VPS11: variants seen among roughly 807,000 people sequenced by gnomAD.
VPS11 encodes the protein VPS11 core subunit of CORVET and HOPS complexes, also known as vacuolar protein sorting-associated protein 11 homolog.
In VPS11, 51 loss-of-function variants were observed where a neutral mutation model predicts 106.8. That is an observed-to-expected ratio of 0.48 (90% confidence interval 0.38 to 0.60). VPS11 has a LOEUF of 0.60. Ranked by LOEUF, VPS11 falls within the 20% of genes least tolerant of loss-of-function variation. The pLI is 0.00. For synonymous variants in VPS11, 453 were observed against 458.7 expected, an observed-to-expected ratio of 0.99 and a Z score of 0.16; for missense variants, 950 against 1,190.0, an observed-to-expected ratio of 0.80 and a Z score of 2.97.
At chr11:119,068,041 C>A (rs2133640526) in intron 1 of VPS11, 31 bp downstream of exon 1, 1 of 1,567,276 alleles carries the variant, frequency 6.4e-7, no homozygotes, top group South Asian at 1.2e-5. Context: ...TCTTTTCCCT[C>A]CCGGGATCCC....
intron 6 of VPS11, 179 bp downstream of exon 6, chr11:119,073,578 G>A (rs1348705441): frequency 2.2e-6 from 2 of 918,690 alleles, no homozygotes; most frequent in Admixed American, 2.9e-5. Flanking sequence ...GGGAAGTAGT[G>A]GCTGGGAGCC....
intron 7 of VPS11, among the ~76,000 whole-genome samples, chr11:119,074,314 G>C (rs540415954): frequency 9.9e-5 from 15 of 152,176 alleles, no homozygotes; most frequent in Non-Finnish European, 2.1e-4. Context: ...ATGAACTCCT[G>C]ACCTCAGGTG....
chr11:119,076,791 A>G, intron 7 of VPS11, 106 bp from the exon 8 acceptor site: 1 of 1,322,360 alleles, frequency 7.6e-7, no homozygotes, highest in Non-Finnish European at 1.0e-6. Context: ...CTCCAGATCC[A>G]CTGAAATAGA....
Position 119,077,945 on chromosome 11 carries a change from G to C in VPS11, c.1640G>C (p.Arg547Pro). Residue 547 changes from arginine to proline, a missense_variant, in exon 10 of 16, where the codon CGC becomes CCC. By Grantham distance (103) the Arg-to-Pro change is moderately radical (BLOSUM62 -2). This residue lies in a region of VPS11 where 453 missense variants were observed against 514.6 expected (regional missense o/e 0.88). Coordinates refer to ENST00000621676, the MANE Select transcript of VPS11 (RefSeq NM_021729.6). ...PFEQAESNMK[R>P]YGKILMHHIP... is the part of the protein sequence containing the mutation. ...GAGCAGGCAGAGAGCAACATGAAGC[G>C]CTACGGCAAGATCCTCATGCACCAC... 6 of 1,614,032 alleles carry C rather than the reference G, an allele frequency of 3.7e-6. No homozygotes were observed. Among genetic ancestry groups the C allele is most frequent in the Non-Finnish European group, 4.2e-6 (5 of 1,179,894 alleles).
chr11:119,073,075 T>G, intron 5 of VPS11, 123 bp from the exon 6 acceptor site: 2 of 1,090,338 alleles, frequency 1.8e-6, no homozygotes, highest in South Asian at 1.5e-5. Context: ...TGTTATGGGA[T>G]GAGAGGGACC....
At chr11:119,074,381 C>T (rs967629462) in intron 7 of VPS11, among the ~76,000 whole-genome samples, 36 of 151,404 alleles carry the variant, frequency 2.4e-4, no homozygotes, top group African/African-American at 4.4e-4. Flanking sequence ...CCACTGCGCC[C>T]GGTGTTTTTT....
At chr11:119,069,164 C>T in intron 1 of VPS11, 32 bp from the exon 2 acceptor site, 2 of 1,612,086 alleles carry the variant, frequency 1.2e-6, no homozygotes, top group Non-Finnish European at 1.7e-6. Context: ...AGTATCTCTC[C>T]TTGGAAAGGA....
At position 119,068,015 on chromosome 11, in the gene VPS11, C is replaced by T. The variant is rs1279063777; in HGVS notation, c.187+5C>T. The T allele has an allele frequency of 1.3e-6, 2 of 1,598,454 alleles. No homozygotes were observed. The highest frequency in any genetic ancestry group is 1.3e-5 in the African/African-American group (1 of 74,620). ...GAGGGAGCCTGGTCTTTGGAGATAT[C>T]CTTCGTTTGGAGCTGTCTTTTCCCT... On this transcript the variant is annotated splice_donor_5th_base_variant and intron_variant, in intron 1 of 15. Coordinates refer to ENST00000621676, the MANE Select transcript of VPS11 (RefSeq NM_021729.6).
chr11:119,077,156 G>T, intron 8 of VPS11, 73 bp downstream of exon 8: 2 of 1,534,898 alleles, frequency 1.3e-6, no homozygotes, highest in Non-Finnish European at 1.8e-6. Context: ...GGACTTGTTC[G>T]TTTCAGCAAG....
chr11:119,075,577 C>T (rs560308764), intron 7 of VPS11, among the ~76,000 whole-genome samples: 2 of 149,160 alleles, frequency 1.3e-5, no homozygotes, highest in South Asian at 2.1e-4. Context: ...CAAGGCCAGG[C>T]GTGGTGGCTC....
chr11:119,078,622 G>T lies in VPS11; in HGVS notation c.1981G>T (p.Asp661Tyr), dbSNP rs782668571. ...CCTGCTGAAGAGTGGTCGCTTCTGC[G>T]ACGTCTTTGACAAGGCCCTGGTCCT... ...ISLLKSGRFC[D>Y]VFDKALVLCQ... The change falls in exon 12 of 16, where the codon GAC (aspartate) becomes TAC (tyrosine). Residue 661 changes from aspartate (D) to tyrosine (Y), a missense_variant. Physicochemically the swap from Asp to Tyr is radical, Grantham distance 160. Coordinates refer to ENST00000621676, the MANE Select transcript of VPS11 (RefSeq NM_021729.6). The T allele has an allele frequency of 1.9e-6, 3 of 1,613,710 alleles. No homozygotes were observed. In the African/African-American group the frequency reaches 4.0e-5, roughly 22 times the overall value.
At chr11:119,075,878 G>GCGAAATAGCGAAACTTC (rs1945593145) in intron 7 of VPS11, among the ~76,000 whole-genome samples, 2 of 151,380 alleles carry the variant, frequency 1.3e-5, no homozygotes. Flanking sequence ...CTCCAGCCTG[G>GCGAAATAGCGAAACTTC]GCAACAGAGC....
intron 1 of VPS11, 120 bp downstream of exon 1, chr11:119,068,130 G>C (rs1483801284): frequency 8.5e-7 from 1 of 1,180,720 alleles, no homozygotes; most frequent in Non-Finnish European, 1.2e-6. Context: ...TGGTCATCCA[G>C]AGTTGTTCTG....
In VPS11 at chr11:119,077,197, T is replaced by C; in HGVS notation, c.1425+114T>C. The C allele has an allele frequency of 2.3e-6, 3 of 1,308,400 alleles. No individual in the cohort carries two copies. In the Admixed American group the frequency reaches 7.0e-5, roughly 31 times the overall value. 81.0% of individuals were successfully genotyped at this position (1,308,400 alleles called of 1,614,324 possible). A position where few individuals can be genotyped will look rare whatever the true frequency, so the allele number is the denominator to read the frequency against. The stretch of plus-strand genomic sequence containing the variant: ...GGGAGAGGAAAGGGCTGACCTTATT[T>C]AGAGGAGTGGCTGTTCCTGTTAGTT... On this transcript the variant is annotated intron_variant, in intron 8 of 15. Coordinates refer to ENST00000621676, the MANE Select transcript of VPS11 (RefSeq NM_021729.6).
chr11:119,070,388 G>A lies in VPS11; in HGVS notation c.627G>A (p.Glu209=). ...CTCACTTGTTTGTTGTGACAACAGA[G>A]AACGTCCAGGTATGACCAAGGCCTC... ...KTTHLFVVTT[E]NVQSYIVSGK... Residue 209 remains glutamate (E), a synonymous_variant, in exon 4 of 16, where the codon GAG becomes GAA. Coordinates refer to ENST00000621676, the MANE Select transcript of VPS11 (RefSeq NM_021729.6). 1.2e-6 allele frequency: 2 copies of A among 1,612,798 alleles called. No individual in the cohort carries two copies. Among genetic ancestry groups the A allele is most frequent in the Non-Finnish European group, 1.7e-6 (2 of 1,179,220 alleles).
rs1313145401 is a variant in VPS11, at chr11:119,073,330, C to T, written c.1017C>T (p.Ser339=). The T allele has an allele frequency of 4.3e-6, 7 of 1,613,988 alleles. No individual in the cohort carries two copies. The highest frequency in any genetic ancestry group is 5.9e-6 in the Non-Finnish European group (7 of 1,179,902). ...TGGATGTGCTTGCTGAGTGGGGCTCCCTGTACGTGCTGACGCGGGATGGGC... is the reference window on the plus strand; with the variant it reads ...TGGATGTGCTTGCTGAGTGGGGCTCTCTGTACGTGCTGACGCGGGATGGGC... ...DVVDVLAEWG[S]LYVLTRDGRV... is the part of the protein sequence containing the mutation. Residue 339 remains serine, a synonymous_variant, in exon 6 of 16, where the codon TCC becomes TCT. Transcript: ENST00000621676.
At chr11:119,074,857 A>G (rs1438657594) in intron 7 of VPS11, among the ~76,000 whole-genome samples, 2 of 152,172 alleles carry the variant, frequency 1.3e-5, no homozygotes, top group East Asian at 3.9e-4. Flanking sequence ...GCCTTTGTAA[A>G]TATTCACTTT....
intron 14 of VPS11, 111 bp downstream of exon 14, chr11:119,079,411 T>C: frequency 1.5e-6 from 2 of 1,318,740 alleles, no homozygotes; most frequent in Non-Finnish European, 2.0e-6. Context: ...TTTGAGCATT[T>C]TGATTCTTCA....
intron 3 of VPS11, 150 bp from the exon 4 acceptor site, chr11:119,070,084 C>G: frequency 2.1e-6 from 1 of 465,854 alleles, no homozygotes. Context: ...GAAAATGTGT[C>G]AGTGAGTACC....
Sources: allele counts gnomAD v4.1 joint callset (sites outside exome capture counted in the v4.1 genomes callset), GRCh38; gene constraint gnomAD v4.1.1; regional missense constraint gnomAD v4.1.1; transcripts MANE v1.5; gene names NCBI Gene and HGNC (gene_info 2026-07-23, HGNC 2026-07-21).